Variants in SPATS2 observed in about 807,000 individuals in gnomAD.
SPATS2 encodes the protein spermatogenesis associated serine rich 2, also known as spermatogenesis-associated serine-rich protein 2.
A neutral mutation model predicts 63.7 loss-of-function variants in SPATS2; 38 were observed. The ratio of observed to expected loss-of-function variants is 0.60; its 90% CI spans 0.46 to 0.78. SPATS2 has a LOEUF of 0.78. Ranked by LOEUF, SPATS2 falls within the 30% of genes least tolerant of loss-of-function variation. The pLI is 0.00. For missense variants in SPATS2, 588 were observed against 666.2 expected (o/e 0.88, Z 1.29); for synonymous variants, 207 against 232.9 (o/e 0.89, Z 1.01).
At chr12:49,474,213 A>G (rs1946083381) in intron 3 of SPATS2, among the ~76,000 whole-genome samples, 1 of 152,214 alleles carries the variant, frequency 6.6e-6, no homozygotes, top group Non-Finnish European at 1.5e-5. Flanking sequence ...TCTTATCTTC[A>G]CAAGTTTAAC....
In SPATS2 at chr12:49,460,776, C is replaced by T. The variant is rs1565733416; in HGVS notation, c.-237C>T. 3.6e-6 allele frequency: 2 copies of T among 550,770 alleles called. No individual in the cohort carries two copies. The highest frequency in any genetic ancestry group is 6.5e-6 in the Non-Finnish European group (2 of 306,820). The allele number at this position is 550,770 out of a possible 1,614,324, so 34.1% of individuals were successfully genotyped here. A position where few individuals can be genotyped will look rare whatever the true frequency, so the allele number is the denominator to read the frequency against. ...TTTGTGTTTTTCCCTCCAGAATCTC[C>T]CTGGAAAAGGAGACATGAATGTCTG... On this transcript the variant is annotated 5_prime_UTR_variant, in exon 3 of 14. Transcript: ENST00000552918.
intron 1 of SPATS2, among the ~76,000 whole-genome samples, chr12:49,369,030 C>CTTTTTTT (rs35158946): frequency 1.9e-5 from 2 of 102,596 alleles, no homozygotes; most frequent in African/African-American, 8.8e-5. Context: ...CAATGTGCCT[C>CTTTTTTT]TTTTTTTTTT....
upstream of SPATS2, chr12:49,367,325 C>T (rs1943915022): frequency 2.6e-6 from 1 of 382,894 alleles, no homozygotes; most frequent in Non-Finnish European, 4.6e-6. Context: ...CGGGGCGAGC[C>T]GCTGCCTGGG....
chr12:49,511,030 A>AT (rs1310955602), intron 9 of SPATS2, among the ~76,000 whole-genome samples: 1 of 152,092 alleles, frequency 6.6e-6, no homozygotes, highest in East Asian at 1.9e-4. Flanking sequence ...CCAAAACCCC[A>AT]TCTCTGCTAA....
intron 2 of SPATS2, among the ~76,000 whole-genome samples, chr12:49,448,911 A>G (rs1945566052): frequency 6.6e-6 from 1 of 152,198 alleles, no homozygotes; most frequent in Non-Finnish European, 1.5e-5. Context: ...AAAGGGCCAT[A>G]TAATAAATAT....
intron 3 of SPATS2, among the ~76,000 whole-genome samples, chr12:49,480,484 T>A (rs934028029): frequency 1.4e-4 from 21 of 152,156 alleles, no homozygotes; most frequent in African/African-American, 5.1e-4. Flanking sequence ...TCTTTTTTTT[T>A]AATCAGTCTC....
intron 2 of SPATS2, among the ~76,000 whole-genome samples, chr12:49,376,152 A>C (rs1944097679): frequency 1.6e-5 from 2 of 127,498 alleles, no homozygotes; most frequent in African/African-American, 6.3e-5. Context: ...CCCATGCTGG[A>C]GTGCAGTGGT....
chr12:49,454,009 C>A (rs1945673572), intron 2 of SPATS2, among the ~76,000 whole-genome samples: 1 of 151,782 alleles, frequency 6.6e-6, no homozygotes. Context: ...ACTACAGGCT[C>A]CCGCCACCAT....
chr12:49,487,253 G>A (rs975084629), intron 4 of SPATS2, among the ~76,000 whole-genome samples: 12 of 152,134 alleles, frequency 7.9e-5, no homozygotes, highest in African/African-American at 2.9e-4. Context: ...TTGGGAGGCC[G>A]AGGCAGGCAG....
At position 49,367,580 on chromosome 12, in the gene SPATS2, TG is replaced by T; in HGVS notation, c.-311del. ...GGGCGACGAGGCGATTGCGGGGGCC[TG>T]GGCTAGGTGAGGCTAAGGGTGCTGG... On this transcript the variant is annotated 5_prime_UTR_variant, in exon 1 of 14. Transcript: ENST00000552918. The T allele has an allele frequency of 5.1e-6, 2 of 394,920 alleles. No homozygotes were observed. The highest frequency in any genetic ancestry group is 7.2e-5 in the East Asian group (2 of 27,872). The allele number at this position is 394,920 out of a possible 1,614,324, so 24.5% of individuals were successfully genotyped here. A position where few individuals can be genotyped will look rare whatever the true frequency, so the allele number is the denominator to read the frequency against.
intron 2 of SPATS2, among the ~76,000 whole-genome samples, chr12:49,413,262 G>A (rs1944829440): frequency 6.6e-6 from 1 of 152,192 alleles, no homozygotes; most frequent in Middle Eastern, 3.4e-3. Context: ...ACAGGAGCAG[G>A]GAAGTTCAAA....
At chr12:49,434,114 C>G (rs1262246011) in intron 2 of SPATS2, among the ~76,000 whole-genome samples, 1 of 152,060 alleles carries the variant, frequency 6.6e-6, no homozygotes, top group African/African-American at 2.4e-5. Flanking sequence ...TTTCTGGGCT[C>G]TCTATTCTAT....
At position 49,459,685 on chromosome 12, in the gene SPATS2, G is replaced by A. The variant is rs112351768; in HGVS notation, c.-243-1085G>A. Among the ~76,000 whole-genome samples the A allele has an allele frequency of 7.1e-3, 1,012 of 143,274 alleles. 12 individuals carry two copies. Among genetic ancestry groups the A allele is most frequent in the African/African-American group, 0.025 (950 of 37,520 alleles). The allele number at this position is 143,274 out of a possible 152,430, so 94.0% of individuals were successfully genotyped here. On this transcript the variant is annotated intron_variant, in intron 2 of 13. Coordinates refer to ENST00000552918, the MANE Select transcript of SPATS2 (RefSeq NM_023071.4). The stretch of plus-strand genomic sequence containing the variant: ...AAAAGTCTCACGTTTGCTGTTCTTC[G>A]TGCCTCTAAGTCCATTCTTTGGGTT...
At chr12:49,497,782 G>A (rs141399413) in intron 8 of SPATS2, among the ~76,000 whole-genome samples, 2 of 151,804 alleles carry the variant, frequency 1.3e-5, no homozygotes, top group African/African-American at 4.8e-5. Context: ...CTCTAGCTTA[G>A]AAAAAGTAAG....
At chr12:49,381,336 G>T (rs1168190118) in intron 2 of SPATS2, among the ~76,000 whole-genome samples, 1 of 152,142 alleles carries the variant, frequency 6.6e-6, no homozygotes, top group Non-Finnish European at 1.5e-5. Flanking sequence ...TAATACTATA[G>T]TTGTAATTAT....
At chr12:49,392,695 A>G (rs569890664) in intron 2 of SPATS2, among the ~76,000 whole-genome samples, 2 of 152,252 alleles carry the variant, frequency 1.3e-5, no homozygotes, top group East Asian at 3.9e-4. Context: ...CGCCTAGGCA[A>G]CAGAGTGAGA....
At position 49,476,112 on chromosome 12, in the gene SPATS2, G is replaced by A. The variant is rs549917840; in HGVS notation, c.26-8478G>A. On this transcript the variant is annotated intron_variant, in intron 3 of 13. Transcript: ENST00000552918. Reference sequence around the variant, plus strand: ...TCCCAAGACCACCCTGGCCTGCCACGCCCCCATCCTGTGCCTATAAAAACC... The same window carrying A: ...TCCCAAGACCACCCTGGCCTGCCACACCCCCATCCTGTGCCTATAAAAACC... Among the ~76,000 whole-genome samples the A allele has an allele frequency of 7.9e-5, 12 of 152,130 alleles. No homozygotes were observed. The South Asian group carries it at 8.3e-4, about 11-fold the overall frequency.
chr12:49,390,628 T>C (rs1321213694), intron 2 of SPATS2, among the ~76,000 whole-genome samples: 1 of 152,250 alleles, frequency 6.6e-6, no homozygotes, highest in African/African-American at 2.4e-5. Flanking sequence ...TCAGCTTTAG[T>C]GATTACCTAC....
chr12:49,471,122 T>C (rs1315324417), intron 3 of SPATS2, among the ~76,000 whole-genome samples: 2 of 152,168 alleles, frequency 1.3e-5, no homozygotes, highest in Non-Finnish European at 1.5e-5. Context: ...TCCTGTAAAA[T>C]GGCAAGATTG....
Sources: allele counts gnomAD v4.1 joint callset (sites outside exome capture counted in the v4.1 genomes callset), GRCh38; gene constraint gnomAD v4.1.1; transcripts MANE v1.5; gene names NCBI Gene and HGNC (gene_info 2026-07-23, HGNC 2026-07-21).